AGBL1: variants seen among roughly 807,000 people sequenced by gnomAD.
AGBL1 encodes the protein AGBL carboxypeptidase 1.
A neutral mutation model predicts 118.9 loss-of-function variants in AGBL1; 130 were observed. That is an observed-to-expected ratio of 1.09 (90% confidence interval 0.95 to 1.26). The LOEUF is 1.26. AGBL1 is among the 50% of genes most tolerant of loss of function. The pLI is 0.00. For synonymous variants in AGBL1, 555 were observed against 478.9 expected (o/e 1.16, Z -2.08); for missense variants, 1,584 against 1,298.1 (o/e 1.22, Z -3.38).
intron 18 of AGBL1, among the ~76,000 whole-genome samples, chr15:86,515,650 A>T (rs557751305): frequency 3.3e-5 from 5 of 152,334 alleles, no homozygotes; most frequent in Admixed American, 3.3e-4. Flanking sequence ...TCAAAATGTC[A>T]GCTGGTTGCA....
intron 17 of AGBL1, among the ~76,000 whole-genome samples, chr15:86,383,543 C>T (rs1368902316): frequency 2.0e-5 from 3 of 152,100 alleles, no homozygotes; most frequent in Non-Finnish European, 4.4e-5. Context: ...GCTGGGATTG[C>T]ACCACGGTAT....
At chr15:86,725,847 G>A (rs1209851917) in intron 22 of AGBL1, among the ~76,000 whole-genome samples, 2 of 152,176 alleles carry the variant, frequency 1.3e-5, no homozygotes, top group Non-Finnish European at 2.9e-5. Context: ...AGTGATTGCT[G>A]CAGATTTCAC....
chr15:86,369,791 G>A (rs1022120841), intron 17 of AGBL1, among the ~76,000 whole-genome samples: 3 of 151,966 alleles, frequency 2.0e-5, no homozygotes, highest in Admixed American at 6.6e-5. Flanking sequence ...GGGATAACAA[G>A]GGCTACTGTA....
At chr15:86,222,718 A>G (rs945502418) in intron 5 of AGBL1, among the ~76,000 whole-genome samples, 5 of 152,004 alleles carry the variant, frequency 3.3e-5, no homozygotes, top group African/African-American at 1.2e-4. Context: ...ATAAGCCTCA[A>G]TTTTTTTGAT....
At chr15:86,892,260 C>T (rs1055701082) in intron 22 of AGBL1, among the ~76,000 whole-genome samples, 1 of 152,148 alleles carries the variant, frequency 6.6e-6, no homozygotes, top group Non-Finnish European at 1.5e-5. Flanking sequence ...CATCTCCCCA[C>T]ACTATGTAGG....
chr15:86,977,007 T>A (rs754884714), intron 23 of AGBL1, among the ~76,000 whole-genome samples: 33 of 151,972 alleles, frequency 2.2e-4, no homozygotes, highest in Non-Finnish European at 4.0e-4. Flanking sequence ...TTTGACTCAC[T>A]GTTTTGCTGT....
intron 17 of AGBL1, among the ~76,000 whole-genome samples, chr15:86,353,891 G>A (rs948532129): frequency 9.9e-5 from 15 of 152,222 alleles, no homozygotes; most frequent in Non-Finnish European, 1.6e-4. Context: ...AGAAACTAGA[G>A]TAGTGGTGTG....
At chr15:86,695,590 C>T (rs2086242286) in intron 22 of AGBL1, among the ~76,000 whole-genome samples, 1 of 151,592 alleles carries the variant, frequency 6.6e-6, no homozygotes, top group Non-Finnish European at 1.5e-5. Flanking sequence ...TGTTTCAATT[C>T]ATTTAGTTCT....
At chr15:86,984,516 C>T (rs910657228) in intron 23 of AGBL1, among the ~76,000 whole-genome samples, 2 of 151,990 alleles carry the variant, frequency 1.3e-5, no homozygotes, top group African/African-American at 2.4e-5. Flanking sequence ...CAGGCACCTG[C>T]CACCGTATCT....
chr15:86,170,438 T>A (rs1160847359), intron 5 of AGBL1, among the ~76,000 whole-genome samples: 1 of 152,016 alleles, frequency 6.6e-6, no homozygotes, highest in East Asian at 1.9e-4. Context: ...GAAAAAAATA[T>A]TTGAGGAAAT....
chr15:86,830,812 C>T (rs1043711636), intron 22 of AGBL1, among the ~76,000 whole-genome samples: 1 of 152,190 alleles, frequency 6.6e-6, no homozygotes, highest in Non-Finnish European at 1.5e-5. Context: ...AAGGACTCCA[C>T]CCATACCACT....
At chr15:86,658,564 T>G (rs1209115840) in intron 21 of AGBL1, among the ~76,000 whole-genome samples, 1 of 152,128 alleles carries the variant, frequency 6.6e-6, no homozygotes, top group Non-Finnish European at 1.5e-5. Flanking sequence ...TGAACCCCTT[T>G]TTACAACTAT....
intron 5 of AGBL1, among the ~76,000 whole-genome samples, chr15:86,184,418 ATTTCTTTTTTC>A (rs1182445870): frequency 8.8e-5 from 13 of 148,452 alleles, no homozygotes; most frequent in Admixed American, 2.0e-4. Context: ...TCTATTCCTT[ATTTCTTTTTTC>A]TTTCTTTTTT....
chr15:86,851,197 G>A (rs939351846), intron 22 of AGBL1, among the ~76,000 whole-genome samples: 2 of 152,100 alleles, frequency 1.3e-5, no homozygotes, highest in East Asian at 3.9e-4. Context: ...GGCAAGAAGT[G>A]GAAGAAAGGA....
intron 21 of AGBL1, among the ~76,000 whole-genome samples, chr15:86,585,436 C>G (rs2084231619): frequency 1.3e-5 from 2 of 152,198 alleles, no homozygotes; most frequent in African/African-American, 4.8e-5. Flanking sequence ...TGTCTCTGCC[C>G]AGGCTGGAGT....
intron 19 of AGBL1, among the ~76,000 whole-genome samples, chr15:86,534,554 C>A (rs1347884394): frequency 1.3e-5 from 2 of 152,152 alleles, no homozygotes; most frequent in African/African-American, 4.8e-5. Context: ...CACAGACCTT[C>A]TTGTGACTCC....
chr15:86,691,025 T>C (rs955239273), intron 22 of AGBL1, among the ~76,000 whole-genome samples: 1 of 152,162 alleles, frequency 6.6e-6, no homozygotes, highest in Non-Finnish European at 1.5e-5. Context: ...ACAAAAGATA[T>C]TAATTCATAT....
chr15:86,941,191 G>C (rs1172951533), intron 23 of AGBL1, among the ~76,000 whole-genome samples: 1 of 152,212 alleles, frequency 6.6e-6, no homozygotes, highest in African/African-American at 2.4e-5. Context: ...TATTTGAAGA[G>C]CACAAACTCT....
intron 22 of AGBL1, among the ~76,000 whole-genome samples, chr15:86,693,730 T>A (rs2086211051): frequency 6.6e-6 from 1 of 152,118 alleles, no homozygotes; most frequent in Non-Finnish European, 1.5e-5. Flanking sequence ...TAGTTTCAGG[T>A]CTTAGATTTA....
Sources: allele counts gnomAD v4.1 joint callset (sites outside exome capture counted in the v4.1 genomes callset), GRCh38; gene constraint gnomAD v4.1.1; transcripts MANE v1.5; gene names NCBI Gene and HGNC (gene_info 2026-07-23, HGNC 2026-07-21).